The following GPHN variants were observed in gnomAD, a reference collection of about 807,000 sequenced individuals.
GPHN encodes the protein gephyrin.
In GPHN, 17 loss-of-function variants were observed where a neutral mutation model predicts 95.5. The observed-to-expected ratio is 0.18, with a 90% confidence interval of 0.12 to 0.27. GPHN has a LOEUF of 0.27. Ranked by LOEUF, GPHN falls within the 10% of genes least tolerant of loss-of-function variation. The pLI is 1.00. For missense variants in GPHN, 660 were observed against 978.1 expected (o/e 0.67, Z 4.34); for synonymous variants, 320 against 322.5 (o/e 0.99, Z 0.08).
intron 1 of GPHN, among the ~76,000 whole-genome samples, chr14:66,627,057 G>A (rs2063552843): frequency 6.6e-6 from 1 of 151,710 alleles, no homozygotes; most frequent in South Asian, 2.1e-4. Context: ...CTCATTTGGG[G>A]GAATAGAGGA....
the GPHN span, among the ~76,000 whole-genome samples, chr14:67,304,298 A>T: frequency 6.6e-6 from 1 of 152,210 alleles, no homozygotes; most frequent in East Asian, 1.9e-4. Flanking sequence ...TCCAAAGTAT[A>T]TATCCAAAAG....
intron 1 of GPHN, among the ~76,000 whole-genome samples, chr14:66,633,549 A>G (rs973297926): frequency 6.6e-6 from 1 of 152,158 alleles, no homozygotes; most frequent in African/African-American, 2.4e-5. Flanking sequence ...GCTGAATAGT[A>G]TTCCAGTGTA....
At chr14:66,826,939 A>G (rs1241832414) in intron 4 of GPHN, among the ~76,000 whole-genome samples, 1 of 152,120 alleles carries the variant, frequency 6.6e-6, no homozygotes, top group Non-Finnish European at 1.5e-5. Flanking sequence ...TCCTGAGGCT[A>G]TCTAGGCACC....
At chr14:66,777,944 A>G (rs998023119) in intron 3 of GPHN, among the ~76,000 whole-genome samples, 35 of 152,246 alleles carry the variant, frequency 2.3e-4, no homozygotes, top group South Asian at 1.2e-3. Flanking sequence ...CACCACTCCT[A>G]TTCAACATAG....
intron 4 of GPHN, among the ~76,000 whole-genome samples, chr14:66,849,074 T>C (rs2062464342): frequency 6.6e-6 from 1 of 151,938 alleles, no homozygotes; most frequent in South Asian, 2.1e-4. Context: ...ACTTTACAGA[T>C]AAGAAAATTA....
intron 2 of GPHN, among the ~76,000 whole-genome samples, chr14:66,732,506 C>T (rs1595722566): frequency 2.0e-5 from 3 of 152,188 alleles, no homozygotes; most frequent in African/African-American, 7.2e-5. Flanking sequence ...ACCATTGTAA[C>T]TTAAAAGTAA....
chr14:67,424,762 A>C, the GPHN span, among the ~76,000 whole-genome samples: 1 of 152,056 alleles, frequency 6.6e-6, no homozygotes, highest in Admixed American at 6.5e-5. Flanking sequence ...GTGGGGAGGA[A>C]GCCCACAGGA....
intron 18 of GPHN, among the ~76,000 whole-genome samples, chr14:67,158,066 G>A (rs2081718139): frequency 6.6e-6 from 1 of 152,136 alleles, no homozygotes; most frequent in Admixed American, 6.5e-5. Flanking sequence ...CAGCACTTTG[G>A]GAGGCCGAGA....
chr14:66,845,136 C>T (rs1005206689), intron 4 of GPHN, among the ~76,000 whole-genome samples: 1 of 152,138 alleles, frequency 6.6e-6, no homozygotes, highest in South Asian at 2.1e-4. Context: ...TTGGTGGACA[C>T]TGGGTTGTTT....
chr14:67,484,148 G>T, the GPHN span, among the ~76,000 whole-genome samples: 2 of 152,150 alleles, frequency 1.3e-5, no homozygotes, highest in African/African-American at 2.4e-5. Context: ...TTTCTACATA[G>T]CACTTTCACT....
chr14:67,316,779 T>G, the GPHN span: 1 of 1,464,676 alleles, frequency 6.8e-7, no homozygotes, highest in Non-Finnish European at 9.3e-7. Flanking sequence ...AAAAAAAAAT[T>G]CTTATCCTTT....
chr14:66,769,997 T>C (rs1019445657), intron 2 of GPHN, among the ~76,000 whole-genome samples: 2 of 152,210 alleles, frequency 1.3e-5, no homozygotes, highest in African/African-American at 4.8e-5. Flanking sequence ...ATCTGTTATT[T>C]TTGGACTTTT....
intron 1 of GPHN, among the ~76,000 whole-genome samples, chr14:66,640,130 A>G (rs1206288192): frequency 1.3e-5 from 2 of 152,136 alleles, no homozygotes; most frequent in African/African-American, 2.4e-5. Context: ...GGCCTAAGAA[A>G]TGGTTTTGGG....
intron 3 of GPHN, among the ~76,000 whole-genome samples, chr14:66,816,953 T>A (rs2060994923): frequency 6.6e-6 from 1 of 152,160 alleles, no homozygotes; most frequent in Non-Finnish European, 1.5e-5. Context: ...GATGAGTTGT[T>A]TACTCTTTGG....
the GPHN span, chr14:67,360,303 G>A: frequency 2.5e-6 from 1 of 398,586 alleles, no homozygotes; most frequent in African/African-American, 2.1e-5. Flanking sequence ...TTCGTTCAGC[G>A]CTTGCGCATG....
At chr14:67,413,823 C>A in the GPHN span, among the ~76,000 whole-genome samples, 1 of 152,184 alleles carries the variant, frequency 6.6e-6, no homozygotes, top group African/African-American at 2.4e-5. Flanking sequence ...CTTCTGAAGC[C>A]AGGCCTGTAG....
rs201535684 is a variant in GPHN, at chr14:66,957,120, T to TA, written c.829-8061dup. 1.6e-3 allele frequency among the ~76,000 whole-genome samples: 191 copies of TA among 121,892 alleles called. 1 individual carries two copies. Among genetic ancestry groups the TA allele is most frequent in the African/African-American group, 4.9e-3 (156 of 32,096 alleles). 80.0% of individuals were successfully genotyped at this position (121,892 alleles called of 152,430 possible). A position where few individuals can be genotyped will look rare whatever the true frequency, so the allele number is the denominator to read the frequency against. ...CCTAAAACTTAAAGTATAATAATAATAAAAAAAAAAGAAAAAAAAAGTGTT... is the reference window on the plus strand; with the variant it reads ...CCTAAAACTTAAAGTATAATAATAATAAAAAAAAAAAGAAAAAAAAAGTGTT... On this transcript the variant is annotated intron_variant, in intron 8 of 22. Coordinates refer to ENST00000478722, the MANE Select transcript of GPHN (RefSeq NM_020806.5).
the GPHN span, chr14:67,651,224 A>G: frequency 7.2e-7 from 1 of 1,380,048 alleles, no homozygotes; most frequent in Non-Finnish European, 9.7e-7. Flanking sequence ...CTTCACATTT[A>G]AGTGGTTTTT....
chr14:67,390,624 ACAACATGGGAC>A, the GPHN span: 2 of 1,425,146 alleles, frequency 1.4e-6, no homozygotes, highest in East Asian at 4.5e-5. Context: ...TGGGGGCATC[ACAACATGGGAC>A]CAACATGGAG....
Sources: gnomAD v4.1 joint callset for allele counts (sites outside exome capture counted in the v4.1 genomes callset) on GRCh38, gnomAD v4.1.1 for gene constraint, MANE v1.5 for transcripts, NCBI Gene and HGNC (gene_info 2026-07-23, HGNC 2026-07-21) for gene names.